The following PAPSS1 variants were observed in gnomAD, a reference collection of about 807,000 sequenced individuals.
The protein encoded by PAPSS1 is 3'-phosphoadenosine 5'-phosphosulfate synthase 1.
In PAPSS1, 50 loss-of-function variants were observed where a neutral mutation model predicts 72.0. The ratio of observed to expected loss-of-function variants is 0.69; its 90% confidence interval spans 0.55 to 0.88. The LOEUF (loss-of-function observed/expected upper bound fraction) is 0.88, where lower values mean the gene tolerates loss of function less well. PAPSS1 is among the 40% of genes least tolerant of loss of function. The pLI is 0.00. For synonymous variants in PAPSS1, 261 were observed against 263.6 expected (o/e 0.99, Z 0.09); for missense variants, 657 against 782.2 (o/e 0.84, Z 1.91).
chr4:107,695,258 T>C (rs1048031448), intron 2 of PAPSS1, among the ~76,000 whole-genome samples: 2 of 152,192 alleles, frequency 1.3e-5, no homozygotes, highest in Non-Finnish European at 2.9e-5. Flanking sequence ...GTAGCAATTG[T>C]GAATGGGAGT....
In PAPSS1 at chr4:107,720,101, G is replaced by A; in HGVS notation, c.60+19C>T. 6.3e-7 allele frequency: 1 copy of A among 1,599,354 alleles called. No individual in the cohort carries two copies. The highest frequency in any genetic ancestry group is 1.1e-5 in the South Asian group (1 of 89,372). On this transcript the variant is annotated intron_variant, in intron 1 of 11. Transcript: ENST00000265174. Reference sequence around the variant, plus strand: ...CAGCCCCTCCGCTCCTCGCCGTCTCGCCTTCGTCCCCAGCTTACCCAGTTC... The same window carrying A: ...CAGCCCCTCCGCTCCTCGCCGTCTCACCTTCGTCCCCAGCTTACCCAGTTC...
At chr4:107,668,892 T>A (rs1021352827) in intron 5 of PAPSS1, among the ~76,000 whole-genome samples, 1 of 152,110 alleles carries the variant, frequency 6.6e-6, no homozygotes, top group Non-Finnish European at 1.5e-5. Context: ...AGCACACACA[T>A]TTATATATTC....
chr4:107,654,601 T>A (rs1279196458), intron 8 of PAPSS1, 94 bp downstream of exon 8: 10 of 974,824 alleles, frequency 1.0e-5, no homozygotes, highest in Non-Finnish European at 1.3e-5. Flanking sequence ...ATATTAACAA[T>A]TCCAATGAAA....
chr4:107,644,802 C>T lies in PAPSS1; in HGVS notation c.1506G>A (p.Glu502=), dbSNP rs997521320. The change falls in exon 10 of 12, where the codon GAG becomes GAA. Residue 502 remains glutamate (E), a splice_region_variant and synonymous_variant. Transcript: ENST00000265174. ...PSPMMYAGPT[E]VQWHCRARMV... is the part of the protein sequence containing the mutation. ...AGTGAAAATCTTACAAGCAGTCTAC[C>T]TCAGTTGGTCCAGCATACATCATGG... is the stretch of plus-strand genomic sequence containing the variant. 3.1e-6 allele frequency: 5 copies of T among 1,607,530 alleles called. No individual in the cohort carries two copies. The highest frequency in any genetic ancestry group is 1.7e-5 in the Admixed American group (1 of 59,616).
chr4:107,620,274 G>A lies in PAPSS1; in HGVS notation c.1737-5887C>T, dbSNP rs10022125. 3.8e-3 allele frequency among the ~76,000 whole-genome samples: 578 copies of A among 152,232 alleles called. 5 individuals are homozygous for A. Among genetic ancestry groups the A allele is most frequent in the African/African-American group, 0.013 (555 of 41,530 alleles). ...TCTGTTTTGAGTCTAACTTGAAAGC[G>A]GGTTACATCAAACATAGTATACATC... On this transcript the variant is annotated intron_variant, in intron 11 of 11. Transcript: ENST00000265174.
intron 7 of PAPSS1, among the ~76,000 whole-genome samples, 185 bp downstream of exon 7, chr4:107,656,711 G>A (rs774784871): frequency 1.3e-5 from 2 of 152,068 alleles, no homozygotes; most frequent in South Asian, 2.1e-4. Context: ...GTCAGGACAC[G>A]GAAAAACGAA....
rs531841923 is a variant in PAPSS1 at position 107,648,538 on chromosome 4, C to A, written c.1238-3468G>T. Among the ~76,000 whole-genome samples, 4 of 152,358 alleles carry A rather than the reference C, an allele frequency of 2.6e-5. No homozygotes were observed. In the South Asian group the frequency reaches 8.3e-4, roughly 32 times the overall value. ...GCCAGAGCCCCAGTATCCACCCCAA[C>A]CACTGAACATAGAATTACAACATCT... On this transcript the variant is annotated intron_variant, in intron 9 of 11. Coordinates refer to ENST00000265174, the MANE Select transcript of PAPSS1 (RefSeq NM_005443.5).
At chr4:107,637,759 A>G (rs1726427912) in intron 10 of PAPSS1, among the ~76,000 whole-genome samples, 1 of 152,186 alleles carries the variant, frequency 6.6e-6, no homozygotes, top group Admixed American at 6.5e-5. Flanking sequence ...TTTTTAGTAA[A>G]TGTTTGAATA....
chr4:107,707,358 C>G (rs2125939727), intron 1 of PAPSS1, among the ~76,000 whole-genome samples: 1 of 152,298 alleles, frequency 6.6e-6, no homozygotes, highest in South Asian at 2.1e-4. Context: ...GGCCCTAAGA[C>G]AAGTCTAAAA....
At chr4:107,614,451 T>G in intron 11 of PAPSS1, 64 bp from the exon 12 acceptor site, 1 of 1,326,508 alleles carries the variant, frequency 7.5e-7, no homozygotes, top group Non-Finnish European at 1.1e-6. Flanking sequence ...TTAAAAAGCA[T>G]TTGTTCCTTC....
intron 1 of PAPSS1, 64 bp from the exon 2 acceptor site, chr4:107,701,349 C>T (rs1723202092): frequency 3.0e-6 from 3 of 989,062 alleles, no homozygotes; most frequent in Non-Finnish European, 4.7e-6. Context: ...AACACATATT[C>T]CTTGCAAACA....
intron 1 of PAPSS1, among the ~76,000 whole-genome samples, chr4:107,701,513 G>A (rs1199626233): frequency 6.6e-6 from 1 of 151,988 alleles, no homozygotes; most frequent in African/African-American, 2.4e-5. Flanking sequence ...TACTACTAAG[G>A]TTTTACAGAT....
intron 2 of PAPSS1, among the ~76,000 whole-genome samples, chr4:107,694,797 A>G (rs1723024190): frequency 1.3e-5 from 2 of 152,222 alleles, no homozygotes; most frequent in Admixed American, 6.5e-5. Flanking sequence ...TACTCAGTAA[A>G]CAAAGAGAAG....
At chr4:107,679,082 G>C (rs753001462) in intron 5 of PAPSS1, among the ~76,000 whole-genome samples, 2 of 152,162 alleles carry the variant, frequency 1.3e-5, no homozygotes, top group Non-Finnish European at 2.9e-5. Flanking sequence ...GCAGAGATTA[G>C]CTGTTATGCA....
chr4:107,623,407 T>A (rs1303020154), intron 11 of PAPSS1, among the ~76,000 whole-genome samples: 2 of 152,202 alleles, frequency 1.3e-5, no homozygotes, highest in Non-Finnish European at 2.9e-5. Context: ...GATGTGCTGC[T>A]CTAGGAAGAG....
chr4:107,654,149 C>T (rs1454121346), intron 8 of PAPSS1, among the ~76,000 whole-genome samples: 2 of 152,202 alleles, frequency 1.3e-5, no homozygotes, highest in African/African-American at 4.8e-5. Context: ...TCCTTTTCCC[C>T]ATGAGGCTTT....
intron 10 of PAPSS1, among the ~76,000 whole-genome samples, chr4:107,633,479 C>T (rs1726274509): frequency 1.3e-5 from 2 of 152,038 alleles, no homozygotes; most frequent in Non-Finnish European, 2.9e-5. Context: ...GTGTACCTTG[C>T]TCTAACCTGC....
chr4:107,658,799 T>G (rs1727088941), intron 6 of PAPSS1, among the ~76,000 whole-genome samples: 1 of 152,186 alleles, frequency 6.6e-6, no homozygotes, highest in Non-Finnish European at 1.5e-5. Flanking sequence ...AGGGATTGAA[T>G]GTCTGTGTCC....
intron 5 of PAPSS1, among the ~76,000 whole-genome samples, chr4:107,666,455 C>T (rs550798304): frequency 2.0e-5 from 3 of 152,168 alleles, no homozygotes; most frequent in South Asian, 4.1e-4. Flanking sequence ...TGTGAGAAAA[C>T]GCTAAGAAAT....
Sources: allele counts gnomAD v4.1 joint callset (sites outside exome capture counted in the v4.1 genomes callset), GRCh38; gene constraint gnomAD v4.1.1; transcripts MANE v1.5; gene names NCBI Gene and HGNC (gene_info 2026-07-23, HGNC 2026-07-21).